Variants in HELQ observed in about 807,000 individuals in gnomAD.
HELQ encodes the protein helicase POLQ-like.
Under a neutral mutation model 111.6 loss-of-function variants are expected in HELQ, and 77 were observed. That is an observed-to-expected ratio of 0.69 (90% CI 0.57 to 0.83). HELQ has a LOEUF of 0.83. Ranked by LOEUF, HELQ falls within the 40% of genes least tolerant of loss-of-function variation. The pLI, the probability that HELQ is intolerant of heterozygous loss-of-function variation, is 0.00. For missense variants in HELQ, 1,200 were observed against 1,288.5 expected (o/e 0.93, Z 1.05); for synonymous variants, 438 against 454.7 (o/e 0.96, Z 0.47).
intron 9 of HELQ, among the ~76,000 whole-genome samples, chr4:83,433,811 G>A (rs768348621): frequency 3.3e-5 from 5 of 151,622 alleles, no homozygotes; most frequent in South Asian, 2.1e-4. Context: ...GTGAAACCCC[G>A]TCTCTACTAA....
intron 2 of HELQ, among the ~76,000 whole-genome samples, chr4:83,450,677 A>C (rs1218536953): frequency 2.0e-5 from 3 of 152,014 alleles, no homozygotes; most frequent in East Asian, 3.8e-4. Context: ...AAAAAAAAAA[A>C]AAAACTAGCC....
chr4:83,446,884 AAGG>A lies in HELQ; in HGVS notation c.1340_1342del (p.Ser447del). The stretch of plus-strand genomic sequence containing the variant: ...ACTGTCAATTCTTCCAGTTTCAATC[AAGG>A]AGTTCACCAAGCTATGTCCTTTTTC... On this transcript the variant is annotated inframe_deletion, in exon 4 of 18. Transcript: ENST00000295488. 1 of 1,613,858 alleles carries A rather than the reference AAGG, an allele frequency of 6.2e-7. No individual in the cohort carries two copies. Among genetic ancestry groups the A allele is most frequent in the Non-Finnish European group, 8.5e-7 (1 of 1,179,738 alleles).
At chr4:83,422,832 G>C (rs542164562) in intron 14 of HELQ, among the ~76,000 whole-genome samples, 1 of 152,252 alleles carries the variant, frequency 6.6e-6, no homozygotes, top group East Asian at 1.9e-4. Context: ...AATTGTGTAC[G>C]TATGTGATTA....
At chr4:83,421,281 A>G (rs181534521) in intron 15 of HELQ, among the ~76,000 whole-genome samples, 5 of 152,348 alleles carry the variant, frequency 3.3e-5, no homozygotes, top group African/African-American at 1.2e-4. Flanking sequence ...TGAATACCTG[A>G]AACTATTAAT....
chr4:83,430,156 TAAA>T (rs397880201), intron 11 of HELQ, among the ~76,000 whole-genome samples: 1 of 137,038 alleles, frequency 7.3e-6, no homozygotes, highest in Non-Finnish European at 1.6e-5. Flanking sequence ...AAAGTTGCAT[TAAA>T]AAAAAAAAAA....
intron 2 of HELQ, among the ~76,000 whole-genome samples, chr4:83,451,519 A>T (rs1025828515): frequency 6.6e-6 from 1 of 151,388 alleles, no homozygotes; most frequent in African/African-American, 2.5e-5. Context: ...AAAAAAAATT[A>T]GCCGGGCGTG....
Position 83,446,818 on chromosome 4 carries a change from C to T in HELQ, c.1392+17G>A. 2.6e-6 allele frequency: 4 copies of T among 1,519,598 alleles called. No individual in the cohort carries two copies. The highest frequency in any genetic ancestry group is 3.6e-6 in the Non-Finnish European group (4 of 1,106,630). The allele number at this position is 1,519,598 out of a possible 1,614,324, so 94.1% of individuals were successfully genotyped here. On this transcript the variant is annotated intron_variant, in intron 4 of 17. Coordinates refer to ENST00000295488, the MANE Select transcript of HELQ (RefSeq NM_133636.5). ...GTATAATAAAAATATTGACAAATTA[C>T]AAAAGTATTAACCAACCTCGTCTAC...
chr4:83,444,834 G>A (rs533730025), intron 5 of HELQ, among the ~76,000 whole-genome samples: 1 of 152,304 alleles, frequency 6.6e-6, no homozygotes, highest in East Asian at 1.9e-4. Flanking sequence ...AGAAAGCAAA[G>A]GGGAGCTATT....
At chr4:83,437,214 G>A in intron 8 of HELQ, 117 bp from the exon 9 acceptor site, 3 of 940,606 alleles carry the variant, frequency 3.2e-6, no homozygotes, top group South Asian at 3.4e-5. Flanking sequence ...TTTCCATTGA[G>A]TTAAGTACAT....
At position 83,427,583 on chromosome 4, in the gene HELQ, A is replaced by C. The variant is rs963785658; in HGVS notation, c.2656T>G (p.Trp886Gly). 1 of 1,567,246 alleles carries C rather than the reference A, an allele frequency of 6.4e-7. No individual in the cohort carries two copies. Among genetic ancestry groups the C allele is most frequent in the Non-Finnish European group, 8.6e-7 (1 of 1,162,470 alleles). ...YDLVSQCNPD[W>G]MIYFRQFSQL... ...CTCACCTGCCTGAAGTATATCATCCAATCAGGGTTACACTGTGAAACCAGA... is the reference window on the plus strand; with the variant it reads ...CTCACCTGCCTGAAGTATATCATCCCATCAGGGTTACACTGTGAAACCAGA... Residue 886 changes from tryptophan to glycine, a missense_variant, in exon 13 of 18, where the codon TGG becomes GGG. By Grantham distance (184) the Trp-to-Gly change is radical. This residue lies in a region of HELQ where 585 missense variants were observed against 665.3 expected (regional missense o/e 0.88). Coordinates refer to ENST00000295488, the MANE Select transcript of HELQ (RefSeq NM_133636.5).
intron 8 of HELQ, among the ~76,000 whole-genome samples, chr4:83,439,118 A>C (rs1013013860): frequency 1.1e-4 from 16 of 151,510 alleles, no homozygotes; most frequent in African/African-American, 3.9e-4. Flanking sequence ...CCCAGGCTGG[A>C]GTGCAATGGT....
At chr4:83,410,667 T>C (rs1030641636) in intron 17 of HELQ, among the ~76,000 whole-genome samples, 5 of 152,160 alleles carry the variant, frequency 3.3e-5, no homozygotes, top group East Asian at 1.9e-4. Context: ...ACACCTTCAT[T>C]GAGAGACGGG....
chr4:83,417,198 TTTC>T (rs903581505), intron 16 of HELQ, among the ~76,000 whole-genome samples: 2 of 151,648 alleles, frequency 1.3e-5, no homozygotes, highest in Non-Finnish European at 2.9e-5. Flanking sequence ...TTCTTTTTCT[TTTC>T]TTTTCTTTTT....
At chr4:83,426,882 C>T (rs1719878971) in intron 13 of HELQ, among the ~76,000 whole-genome samples, 1 of 152,154 alleles carries the variant, frequency 6.6e-6, no homozygotes. Flanking sequence ...TACATTTATA[C>T]AGCTAGCCTG....
chr4:83,411,585 CAG>C (rs1189959047), intron 17 of HELQ, among the ~76,000 whole-genome samples: 1 of 151,030 alleles, frequency 6.6e-6, no homozygotes, highest in Non-Finnish European at 1.5e-5. Flanking sequence ...GCCTGGGTGA[CAG>C]AGTCAGACCC....
chr4:83,453,133 A>G, intron 2 of HELQ, 98 bp downstream of exon 2: 1 of 688,238 alleles, frequency 1.5e-6, no homozygotes, highest in Non-Finnish European at 2.5e-6. Context: ...CAAAATGAGA[A>G]ACAGTATGGA....
At chr4:83,423,584 A>G (rs1719658657) in intron 14 of HELQ, among the ~76,000 whole-genome samples, 1 of 152,162 alleles carries the variant, frequency 6.6e-6, no homozygotes, top group Non-Finnish European at 1.5e-5. Context: ...TATAATTATT[A>G]TATGGCAAAA....
chr4:83,413,766 A>T (rs1739224168), intron 17 of HELQ, among the ~76,000 whole-genome samples: 1 of 152,200 alleles, frequency 6.6e-6, no homozygotes, highest in Non-Finnish European at 1.5e-5. Context: ...CCTAGTTTCT[A>T]TGCCATAAAG....
chr4:83,453,472 T>G lies in HELQ; in HGVS notation c.771A>C (p.Ser257=). The change falls in exon 2 of 18, where the codon TCA becomes TCC. Residue 257 remains serine (S), a synonymous_variant. Coordinates refer to ENST00000295488, the MANE Select transcript of HELQ (RefSeq NM_133636.5). ...DESSSKVRTS[S]DMNRRKSIKD... is the part of the protein sequence containing the mutation. ...TAATACTTTTTCTCCTGTTCATATC[T>G]GAACTAGTTCTGACTTTGGAAGAGG... 6.2e-7 allele frequency: 1 copy of G among 1,611,484 alleles called. No homozygotes were observed. The highest frequency in any genetic ancestry group is 8.5e-7 in the Non-Finnish European group (1 of 1,179,380).
Sources: allele counts gnomAD v4.1 joint callset (sites outside exome capture counted in the v4.1 genomes callset), GRCh38; gene constraint gnomAD v4.1.1; regional missense constraint gnomAD v4.1.1; transcripts MANE v1.5; gene names NCBI Gene and HGNC (gene_info 2026-07-23, HGNC 2026-07-21).